HPSE2: variants seen among roughly 807,000 people sequenced by gnomAD.
HPSE2 encodes the protein inactive heparanase-2.
HPSE2 carries 38 observed loss-of-function variants against 60.5 expected under a neutral mutation model. The observed-to-expected ratio is 0.63, with a 90% confidence interval of 0.48 to 0.82. The LOEUF is 0.82. Ranked by LOEUF, HPSE2 falls within the 40% of genes least tolerant of loss-of-function variation. HPSE2 has a pLI of 0.00. For missense variants in HPSE2, 713 were observed against 740.4 expected (o/e 0.96, Z 0.43); for synonymous variants, 295 against 293.2 (o/e 1.01, Z -0.06).
the HPSE2 span, among the ~76,000 whole-genome samples, chr10:99,308,035 G>A: frequency 6.6e-6 from 1 of 152,016 alleles, no homozygotes; most frequent in African/African-American, 2.4e-5. Context: ...AAAAACATAT[G>A]TCCATTCAAA....
At position 99,109,790 on chromosome 10, in the gene HPSE2, T is replaced by C. The variant is rs187780453; in HGVS notation, c.610+34448A>G. On this transcript the variant is annotated intron_variant, in intron 3 of 11. Coordinates refer to ENST00000370552, the MANE Select transcript of HPSE2 (RefSeq NM_021828.5). Reference sequence around the variant, plus strand: ...GGTATTGCTAGTTCATAAGAAAAGATATTATGGAGTTATCACAGATAACAA... The same window carrying C: ...GGTATTGCTAGTTCATAAGAAAAGACATTATGGAGTTATCACAGATAACAA... 9.0e-4 allele frequency among the ~76,000 whole-genome samples: 137 copies of C among 152,298 alleles called. 1 individual carries two copies. Among genetic ancestry groups the C allele is most frequent in the Non-Finnish European group, 7.3e-5 (5 of 68,030 alleles).
chr10:99,164,760 C>A (rs963551741), intron 2 of HPSE2, among the ~76,000 whole-genome samples: 1 of 152,208 alleles, frequency 6.6e-6, no homozygotes, highest in Non-Finnish European at 1.5e-5. Context: ...CGCAGTGGCG[C>A]ATGCCTGTAT....
chr10:98,708,853 T>A lies in HPSE2; in HGVS notation c.956+12804A>T, dbSNP rs543024659. ...GTCTTCGAATAATATTTATATTTTT[T>A]AAAAACTAGAAAAGGAAAGCCAACC... On this transcript the variant is annotated intron_variant, in intron 5 of 11. Coordinates refer to ENST00000370552, the MANE Select transcript of HPSE2 (RefSeq NM_021828.5). Among the ~76,000 whole-genome samples the A allele has an allele frequency of 1.3e-4, 20 of 152,300 alleles. No individual in the cohort carries two copies. In the East Asian group the frequency reaches 3.1e-3, roughly 23 times the overall value.
At chr10:98,609,586 T>A (rs73339675) in intron 9 of HPSE2, among the ~76,000 whole-genome samples, 4,711 of 152,306 alleles carry the variant, frequency 0.031, 129 homozygotes, top group East Asian at 0.1. Flanking sequence ...CTTCTGTAAT[T>A]TTCTACATGT....
chr10:98,603,894 C>T (rs1945504333), intron 9 of HPSE2, among the ~76,000 whole-genome samples: 1 of 152,138 alleles, frequency 6.6e-6, no homozygotes, highest in Non-Finnish European at 1.5e-5. Context: ...CTCCAGCCCA[C>T]TCTAGCCATC....
rs561736353 is a variant in HPSE2, at chr10:98,987,968, C to T, written c.610+156270G>A. On this transcript the variant is annotated intron_variant, in intron 3 of 11. Transcript: ENST00000370552. The stretch of plus-strand genomic sequence containing the variant: ...TGAAGCACCTCTTCAAGGAGAACTA[C>T]AAACCACTTTTCAGTGAAATAAAAT... Among the ~76,000 whole-genome samples the T allele has an allele frequency of 2.8e-4, 43 of 152,298 alleles. No individual in the cohort carries two copies. In the South Asian group the frequency reaches 8.5e-3, roughly 30 times the overall value.
At chr10:98,526,057 A>G (rs1361747826) in intron 9 of HPSE2, among the ~76,000 whole-genome samples, 1 of 152,220 alleles carries the variant, frequency 6.6e-6, no homozygotes, top group Non-Finnish European at 1.5e-5. Context: ...GACAACTGCC[A>G]TCATCCCATA....
intron 3 of HPSE2, among the ~76,000 whole-genome samples, chr10:98,898,638 T>C (rs902600158): frequency 1.1e-4 from 16 of 152,096 alleles, no homozygotes; most frequent in Admixed American, 7.9e-4. Context: ...CTGTATATTA[T>C]AGCAGTAGGT....
chr10:98,661,217 C>T (rs570005687), intron 6 of HPSE2, among the ~76,000 whole-genome samples: 19 of 152,344 alleles, frequency 1.2e-4, no homozygotes, highest in Middle Eastern at 6.8e-3. Context: ...AGAAAAGTCA[C>T]TGGAAGCAGC....
intron 2 of HPSE2, among the ~76,000 whole-genome samples, chr10:99,172,880 AAAG>A (rs145841727): frequency 0.16 from 23,700 of 152,060 alleles, 2,193 homozygotes; most frequent in Admixed American, 0.23. Context: ...TGTCTCAAAA[AAAG>A]AAGAAGAAGA....
In HPSE2 at chr10:99,047,610, C is replaced by T. The variant is rs1030807661; in HGVS notation, c.610+96628G>A. On this transcript the variant is annotated intron_variant, in intron 3 of 11. Coordinates refer to ENST00000370552, the MANE Select transcript of HPSE2 (RefSeq NM_021828.5). ...GCCAGAATCTATAAGGGACTTAAAT[C>T]AACAAGCAGCTCTTTTCTGGCTGGA... 11 of 659,016 alleles carry T rather than the reference C, an allele frequency of 1.7e-5. No individual in the cohort carries two copies. The African/African-American group carries it at 1.8e-4, about 11-fold the overall frequency. The allele number at this position is 659,016 out of a possible 1,614,324, so 40.8% of individuals were successfully genotyped here.
intron 2 of HPSE2, among the ~76,000 whole-genome samples, chr10:99,177,349 C>T (rs1365121844): frequency 6.6e-6 from 1 of 152,020 alleles, no homozygotes; most frequent in Non-Finnish European, 1.5e-5. Context: ...AGTCAAGACC[C>T]ATCAGTGTGC....
At chr10:99,076,930 C>T (rs1408797739) in intron 3 of HPSE2, among the ~76,000 whole-genome samples, 1 of 152,130 alleles carries the variant, frequency 6.6e-6, no homozygotes, top group Non-Finnish European at 1.5e-5. Flanking sequence ...TTTTGTTTAC[C>T]TGAGAAAGTC....
intron 3 of HPSE2, among the ~76,000 whole-genome samples, chr10:99,115,411 C>T (rs1326558313): frequency 6.6e-6 from 1 of 152,048 alleles, no homozygotes; most frequent in Admixed American, 6.6e-5. Context: ...GCCTTGGCCT[C>T]CCAAAGTGCT....
the HPSE2 span, among the ~76,000 whole-genome samples, chr10:99,305,967 G>GCACACACACACACACA: frequency 7.3e-5 from 4 of 54,548 alleles, no homozygotes; most frequent in Admixed American, 1.8e-4. Context: ...ACACACGCGC[G>GCACACACACACACACA]CGCGCGCGCG....
At chr10:98,888,535 C>A (rs1953239094) in intron 3 of HPSE2, among the ~76,000 whole-genome samples, 1 of 152,088 alleles carries the variant, frequency 6.6e-6, no homozygotes, top group African/African-American at 2.4e-5. Flanking sequence ...TGACCTTGAA[C>A]AAGTCAATTA....
At chr10:98,989,591 A>G (rs1408731417) in intron 3 of HPSE2, among the ~76,000 whole-genome samples, 3 of 151,954 alleles carry the variant, frequency 2.0e-5, no homozygotes, top group Non-Finnish European at 4.4e-5. Flanking sequence ...GCACATGTAT[A>G]CATATGTAAC....
At chr10:99,037,954 A>T (rs1957647948) in intron 3 of HPSE2, among the ~76,000 whole-genome samples, 2 of 152,164 alleles carry the variant, frequency 1.3e-5, no homozygotes, top group African/African-American at 4.8e-5. Context: ...CAATATCACT[A>T]GCCATTAGGG....
intron 9 of HPSE2, among the ~76,000 whole-genome samples, chr10:98,584,877 C>T (rs1944897210): frequency 6.6e-6 from 1 of 152,196 alleles, no homozygotes; most frequent in African/African-American, 2.4e-5. Context: ...CATGTATAGA[C>T]AGGTGTCTTG....
Sources: allele counts gnomAD v4.1 joint callset (sites outside exome capture counted in the v4.1 genomes callset), GRCh38; gene constraint gnomAD v4.1.1; transcripts MANE v1.5; gene names NCBI Gene and HGNC (gene_info 2026-07-23, HGNC 2026-07-21).